Variants in TENM2 observed in about 807,000 individuals in gnomAD.
The protein encoded by TENM2 is teneurin-2.
Under a neutral mutation model 245.2 loss-of-function variants are expected in TENM2, and 52 were observed. The observed-to-expected ratio is 0.21, with a 90% CI of 0.17 to 0.27. The LOEUF (loss-of-function observed/expected upper bound fraction) is 0.27, where lower values mean the gene tolerates loss of function less well. TENM2 is among the 10% of genes least tolerant of loss of function. The pLI, the probability that TENM2 is intolerant of heterozygous loss-of-function variation, is 1.00. For missense variants in TENM2, 3,046 were observed against 3,666.8 expected (o/e 0.83, Z 4.37); for synonymous variants, 1,363 against 1,438.9 (o/e 0.95, Z 1.19).
chr5:167,458,169 T>G (rs990859817), intron 2 of TENM2, among the ~76,000 whole-genome samples: 2 of 151,990 alleles, frequency 1.3e-5, no homozygotes, highest in African/African-American at 2.4e-5. Flanking sequence ...AACTGGTAAT[T>G]TTTATCATTT....
At chr5:167,186,115 A>G in the TENM2 span, among the ~76,000 whole-genome samples, 3 of 152,184 alleles carry the variant, frequency 2.0e-5, no homozygotes, top group Admixed American at 1.3e-4. Context: ...TGTGGCTTTT[A>G]TGAGTACAAG....
At chr5:168,229,889 A>G (rs545789440) in intron 25 of TENM2, 1 of 152,366 alleles carries the variant, frequency 6.6e-6, no homozygotes, top group South Asian at 2.1e-4. Context: ...TGAGATTAGT[A>G]GTTAAATCCT....
chr5:167,180,268 C>T, the TENM2 span, among the ~76,000 whole-genome samples: 1 of 151,980 alleles, frequency 6.6e-6, no homozygotes, highest in African/African-American at 2.4e-5. Context: ...TGCCACCACA[C>T]GGGGCTCATT....
chr5:167,919,538 C>A (rs1777193185), intron 3 of TENM2, among the ~76,000 whole-genome samples: 1 of 152,180 alleles, frequency 6.6e-6, no homozygotes, highest in South Asian at 2.1e-4. Context: ...GGCTTTTATT[C>A]TAAGTAAAGG....
chr5:167,324,983 C>G (rs985304319), intron 1 of TENM2, among the ~76,000 whole-genome samples: 1 of 152,148 alleles, frequency 6.6e-6, no homozygotes, highest in East Asian at 1.9e-4. Context: ...GAACGTGGCT[C>G]TAGCAGGCCC....
chr5:167,733,319 C>T (rs1290391289), intron 2 of TENM2, among the ~76,000 whole-genome samples: 1 of 152,150 alleles, frequency 6.6e-6, no homozygotes, highest in South Asian at 2.1e-4. Flanking sequence ...ATAACAGGCA[C>T]TGAGGGCCTG....
chr5:167,727,857 T>C (rs1687318675), intron 2 of TENM2, among the ~76,000 whole-genome samples: 1 of 152,236 alleles, frequency 6.6e-6, no homozygotes, highest in Non-Finnish European at 1.5e-5. Context: ...AACTCTTTCC[T>C]TTATATTGTG....
At chr5:167,909,705 CTG>C (rs967528282) in intron 3 of TENM2, among the ~76,000 whole-genome samples, 2 of 152,158 alleles carry the variant, frequency 1.3e-5, no homozygotes, top group African/African-American at 4.8e-5. Flanking sequence ...GTTTAGAGGA[CTG>C]TATTATCACC....
At chr5:168,092,448 T>G (rs1012020171) in intron 8 of TENM2, among the ~76,000 whole-genome samples, 3 of 152,214 alleles carry the variant, frequency 2.0e-5, no homozygotes, top group African/African-American at 7.2e-5. Flanking sequence ...GTTGAGTCAT[T>G]GCAGCAGAGA....
At chr5:167,545,617 T>C (rs1772511025) in intron 2 of TENM2, among the ~76,000 whole-genome samples, 3 of 152,190 alleles carry the variant, frequency 2.0e-5, no homozygotes, top group Admixed American at 6.5e-5. Context: ...AAAAAAGGCA[T>C]TAACAAAAAC....
At chr5:168,215,162 C>A (rs1463866746) in exon 21 of TENM2, 1 of 1,613,750 alleles carries the variant, frequency 6.2e-7, no homozygotes, top group Non-Finnish European at 8.5e-7. Flanking sequence ...AAAGACCTGG[C>A]TGGGAATTCG....
chr5:168,032,673 T>C (rs968814155), intron 5 of TENM2, among the ~76,000 whole-genome samples: 26 of 152,150 alleles, frequency 1.7e-4, no homozygotes, highest in African/African-American at 6.0e-4. Context: ...TTAGGTCTTA[T>C]GGTTTGCTTG....
intron 3 of TENM2, among the ~76,000 whole-genome samples, chr5:167,931,314 T>C (rs1778262838): frequency 6.6e-6 from 1 of 152,104 alleles, no homozygotes; most frequent in African/African-American, 2.4e-5. Flanking sequence ...TACTTTATTG[T>C]GATGTCAGAG....
chr5:167,116,921 G>A, the TENM2 span, among the ~76,000 whole-genome samples: 2 of 152,178 alleles, frequency 1.3e-5, no homozygotes, highest in Admixed American at 6.5e-5. Context: ...CCACCAGAAT[G>A]TTTTATTTGA....
chr5:167,929,443 T>C (rs1406701590), intron 3 of TENM2, among the ~76,000 whole-genome samples: 1 of 152,216 alleles, frequency 6.6e-6, no homozygotes, highest in African/African-American at 2.4e-5. Flanking sequence ...CAGAAGAAGA[T>C]AGTTCCAGAA....
At chr5:167,786,099 AT>A (rs1353077871) in intron 2 of TENM2, among the ~76,000 whole-genome samples, 1 of 151,128 alleles carries the variant, frequency 6.6e-6, no homozygotes, top group Non-Finnish European at 1.5e-5. Flanking sequence ...ATCTTTTCAC[AT>A]TTTTTTTTCT....
intron 2 of TENM2, among the ~76,000 whole-genome samples, chr5:167,449,437 G>A (rs1463005833): frequency 6.6e-6 from 1 of 152,152 alleles, no homozygotes; most frequent in Admixed American, 6.5e-5. Flanking sequence ...CAACAAGAGT[G>A]AAGGTTACCT....
chr5:167,795,253 A>C (rs1354173531), intron 2 of TENM2, among the ~76,000 whole-genome samples: 1 of 152,182 alleles, frequency 6.6e-6, no homozygotes, highest in Non-Finnish European at 1.5e-5. Flanking sequence ...TAGAAAGATT[A>C]ATGTGGTCAA....
intron 3 of TENM2, among the ~76,000 whole-genome samples, chr5:167,913,145 C>T (rs75169171): frequency 9.1e-4 from 138 of 152,322 alleles, no homozygotes; most frequent in African/African-American, 3.1e-3. Context: ...CTCACCCAAG[C>T]TCCCTGGCCA....
Sources: gnomAD v4.1 joint callset for allele counts (sites outside exome capture counted in the v4.1 genomes callset) on GRCh38, gnomAD v4.1.1 for gene constraint, MANE v1.5 for transcripts, NCBI Gene and HGNC (gene_info 2026-07-23, HGNC 2026-07-21) for gene names.